CLK1: variants seen among roughly 807,000 people sequenced by gnomAD.
The protein encoded by CLK1 is CDC like kinase 1.
Under a neutral mutation model 60.9 loss-of-function variants are expected in CLK1, and 40 were observed. That is an observed-to-expected ratio of 0.66 (90% CI 0.51 to 0.86). The LOEUF (loss-of-function observed/expected upper bound fraction) is 0.86. CLK1 is among the 40% of genes least tolerant of loss of function. The pLI is 0.00. For synonymous variants in CLK1, 203 were observed against 184.4 expected (o/e 1.10, Z -0.82); for missense variants, 563 against 606.1 (o/e 0.93, Z 0.75).
intron 1 of CLK1, chr2:200,864,276 C>G (rs571745790): frequency 6.7e-7 from 1 of 1,491,958 alleles, no homozygotes; most frequent in Non-Finnish European, 8.9e-7. Flanking sequence ...CCCGACCGTC[C>G]CGCGTCAGGC....
At position 200,853,361 on chromosome 2, in the gene CLK1, G is replaced by T. The variant is rs746261642; in HGVS notation, c.1400C>A (p.Thr467Asn). Residue 467 changes from threonine (T) to asparagine (N), a missense_variant, in exon 13 of 13, where the codon ACT becomes AAT. Coordinates refer to ENST00000321356, the MANE Select transcript of CLK1 (RefSeq NM_004071.4). ...AGGATGCTTTAAGGCTTCTCTGAGA[G>T]TAATTCTTTTGGCTGGATCATACTC... Reference protein sequence around the residue: ...MLEYDPAKRITLREALKHPFF... With the variant: ...MLEYDPAKRINLREALKHPFF... The T allele has an allele frequency of 2.2e-5, 36 of 1,613,102 alleles. No homozygotes were observed. The highest frequency in any genetic ancestry group is 2.5e-5 in the Non-Finnish European group (30 of 1,179,472).
At chr2:200,864,163 C>A (rs1235241883) in intron 1 of CLK1, 9 of 1,551,282 alleles carry the variant, frequency 5.8e-6, no homozygotes, top group Middle Eastern at 1.7e-4. Flanking sequence ...AGCAAATCCC[C>A]CCTCAACGGG....
rs146248641 is a variant in CLK1 at position 200,856,783 on chromosome 2, G to A, written c.956C>T (p.Pro319Leu). 3 of 1,613,548 alleles carry A rather than the reference G, an allele frequency of 1.9e-6. No homozygotes were observed. Among genetic ancestry groups the A allele is most frequent in the Non-Finnish European group, 2.5e-6 (3 of 1,179,772 alleles). The stretch of plus-strand genomic sequence containing the variant: ...ACCAAAGTCTACAACTTTAATATCT[G>A]GATTTATTAAGGTGCGTTCATCACG... ...IKRDERTLINPDIKVVDFGSA... is the reference protein window; with the variant it reads ...IKRDERTLINLDIKVVDFGSA... Residue 319 changes from proline to leucine, a missense_variant, in exon 9 of 13, where the codon CCA becomes CTA. Physicochemically the swap from Pro to Leu is moderately conservative, Grantham distance 98. Around this residue, in one of 3 missense-constraint regions of CLK1, gnomAD observed 360 missense variants for 407.0 expected, o/e 0.88. Coordinates refer to ENST00000321356, the MANE Select transcript of CLK1 (RefSeq NM_004071.4).
chr2:200,863,116 G>GTT (rs2039168200), intron 1 of CLK1: 1 of 151,992 alleles, frequency 6.6e-6, no homozygotes, highest in African/African-American at 2.4e-5. Flanking sequence ...TTACCGGCGG[G>GTT]ACCCCTCTGT....
At chr2:200,859,826 T>C in intron 4 of CLK1, 80 bp from the exon 5 acceptor site, 1 of 1,572,402 alleles carries the variant, frequency 6.4e-7, no homozygotes, top group African/African-American at 1.4e-5. Context: ...TCAATGTAGA[T>C]TATTCTAGTT....
chr2:200,861,632 T>C, intron 2 of CLK1, 70 bp downstream of exon 2: 1 of 1,580,032 alleles, frequency 6.3e-7, no homozygotes, highest in Non-Finnish European at 8.6e-7. Context: ...ATCAGGTACT[T>C]ATTTTAAGTG....
At chr2:200,853,839 G>A (rs1363668663) in intron 12 of CLK1, 64 bp downstream of exon 12, 55 of 1,279,928 alleles carry the variant, frequency 4.3e-5, no homozygotes, top group Non-Finnish European at 6.0e-5. Context: ...AGCAAGGCTC[G>A]GTCTCAAAAG....
At chr2:200,853,578 C>T (rs1307255664) in intron 12 of CLK1, 129 bp from the exon 13 acceptor site, 17 of 838,940 alleles carry the variant, frequency 2.0e-5, no homozygotes, top group East Asian at 8.9e-5. Context: ...TGGTCGCTCA[C>T]GCCTATAATC....
Position 200,864,308 on chromosome 2 carries a change from G to A in CLK1, c.-1+256C>T, listed in dbSNP as rs1025237835. The A allele has an allele frequency of 1.6e-5, 24 of 1,457,788 alleles. No homozygotes were observed. In the African/African-American group the frequency reaches 2.3e-4, roughly 14 times the overall value. The allele number at this position is 1,457,788 out of a possible 1,614,324, so 90.3% of individuals were successfully genotyped here. A position where few individuals can be genotyped will look rare whatever the true frequency, so the allele number is the denominator to read the frequency against. ...AGGCGGCGCCGCTTCCTCAGCGGAG[G>A]GCAGAAGCTCCAAGAGGGCGGCCGG... On this transcript the variant is annotated intron_variant, in intron 1 of 12. Transcript: ENST00000321356.
chr2:200,855,442 A>C (rs989227745), intron 9 of CLK1, among the ~76,000 whole-genome samples: 17 of 152,240 alleles, frequency 1.1e-4, no homozygotes, highest in African/African-American at 3.9e-4. Context: ...CTACACGGTG[A>C]AACTCCGTCT....
At chr2:200,861,204 T>C (rs762963056) in intron 3 of CLK1, 34 bp downstream of exon 3, 4 of 1,602,082 alleles carry the variant, frequency 2.5e-6, no homozygotes, top group Admixed American at 3.4e-5. Flanking sequence ...ACATGGGATA[T>C]AAAATTTCCA....
rs751640639 is a variant in CLK1, at chr2:200,853,444, A to C, written c.1317T>G (p.Phe439Leu). The C allele has an allele frequency of 3.7e-6, 6 of 1,602,064 alleles. No homozygotes were observed. The highest frequency in any genetic ancestry group is 5.1e-6 in the Non-Finnish European group (6 of 1,177,264). ...VSRRCKPLKE[F>L]MLSQDVEHER... ...CATGTTCAACATCTTGAGAAAGCAT[A>C]AATTCCTGGAAGAAAAAAAGAAATT... Residue 439 changes from phenylalanine to leucine, a missense_variant, in exon 13 of 13, where the codon TTT (phenylalanine) becomes TTG (leucine). By Grantham distance (22) the Phe-to-Leu change is conservative (BLOSUM62 0). Transcript: ENST00000321356.
At chr2:200,864,164 C>A in intron 1 of CLK1, 1 of 1,551,242 alleles carries the variant, frequency 6.4e-7, no homozygotes, top group Non-Finnish European at 8.7e-7. Flanking sequence ...GCAAATCCCC[C>A]CTCAACGGGG....
At chr2:200,858,381 G>C (rs1165670072) in intron 5 of CLK1, among the ~76,000 whole-genome samples, 1 of 152,182 alleles carries the variant, frequency 6.6e-6, no homozygotes, top group East Asian at 1.9e-4. Flanking sequence ...AAAAGAGTTA[G>C]GATACAGTGG....
chr2:200,853,527 T>C (rs767409493), intron 12 of CLK1, 78 bp from the exon 13 acceptor site: 11 of 1,251,550 alleles, frequency 8.8e-6, no homozygotes, highest in South Asian at 4.5e-5. Context: ...TAGTAAACCA[T>C]ATATATATAA....
At chr2:200,858,127 C>A in intron 5 of CLK1, 38 bp from the exon 6 acceptor site, 2 of 1,272,856 alleles carry the variant, frequency 1.6e-6, no homozygotes, top group Non-Finnish European at 2.3e-6. Flanking sequence ...GAATGACAGA[C>A]ATGATGCTCA....
rs772660692 is a variant in CLK1, at chr2:200,853,392, T to A, written c.1369A>T (p.Met457Leu). 5 of 1,613,436 alleles carry A rather than the reference T, an allele frequency of 3.1e-6. No individual in the cohort carries two copies. In the Admixed American group the frequency reaches 8.3e-5, roughly 27 times the overall value. Residue 457 changes from methionine (M) to leucine (L), a missense_variant, in exon 13 of 13, where the codon ATG becomes TTG. This residue lies in a region of CLK1 where 360 missense variants were observed against 407.0 expected (regional missense o/e 0.88). Coordinates refer to ENST00000321356, the MANE Select transcript of CLK1 (RefSeq NM_004071.4). ...HERLFDLIQK[M>L]LEYDPAKRIT... ...CTTTTGGCTGGATCATACTCCAACATTTTCTGAATGAGGTCAAAGAGACGC... is the reference window on the plus strand; with the variant it reads ...CTTTTGGCTGGATCATACTCCAACAATTTCTGAATGAGGTCAAAGAGACGC...
Position 200,857,803 on chromosome 2 carries a change from G to C in CLK1, c.747C>G (p.Tyr249Ter). The change falls in exon 7 of 13, where the codon TAC becomes TAG. Residue 249 changes from tyrosine (Y) to a stop codon, truncating the protein, a stop_gained. Transcript: ENST00000321356. LOFTEE classifies it high-confidence loss of function. ...IVFELLGLST[Y>*]DFIKENGFLP... is the part of the protein sequence containing the mutation. ...GAAAACCATTTTCTTTAATGAAGTC[G>C]TAAGTACTAAGTCCCAATAGTTCAA... The C allele has an allele frequency of 1.2e-6, 2 of 1,613,552 alleles. No individual in the cohort carries two copies. The highest frequency in any genetic ancestry group is 1.7e-6 in the Non-Finnish European group (2 of 1,179,682).
At chr2:200,857,366 C>G (rs574692734) in intron 7 of CLK1, 1 of 261,390 alleles carries the variant, frequency 3.8e-6, no homozygotes, top group Non-Finnish European at 7.3e-6. Context: ...GGTCAACATT[C>G]CAGTCTGCTA....
Sources: allele counts gnomAD v4.1 joint callset (sites outside exome capture counted in the v4.1 genomes callset), GRCh38; gene constraint gnomAD v4.1.1; regional missense constraint gnomAD v4.1.1; transcripts MANE v1.5; gene names NCBI Gene and HGNC (gene_info 2026-07-23, HGNC 2026-07-21).